Variants in ITPKB observed in about 807,000 individuals in gnomAD.
ITPKB encodes IP3 3-kinase B.
Under a neutral mutation model 69.4 loss-of-function variants are expected in ITPKB, and 13 were observed. That is an observed-to-expected ratio of 0.19 (90% CI 0.12 to 0.30). The LOEUF is 0.30. Among genes scored for constraint, ITPKB ranks in the 10% least tolerant of loss-of-function variants. The pLI is 1.00. For synonymous variants in ITPKB, 584 were observed against 513.7 expected (o/e 1.14, Z -1.85); for missense variants, 1,240 against 1,250.5 (o/e 0.99, Z 0.13).
At chr1:226,735,429 C>A (rs1657714226) in intron 2 of ITPKB, 98 bp downstream of exon 2, 1 of 1,346,112 alleles carries the variant, frequency 7.4e-7, no homozygotes. Flanking sequence ...TCTGAGTTTT[C>A]ATGACTGTGT....
At position 226,637,098 on chromosome 1, in the gene ITPKB, G is replaced by C. The variant is rs769373432; in HGVS notation, c.2625+581C>G. On this transcript the variant is annotated intron_variant, in intron 7 of 7. Transcript: ENST00000429204. This position sits in a 1 kb window ranked among gnomAD's most constrained non-coding sequence, Gnocchi z 4.3. ...GATCTGTGAATGTGTGTGTGAATGT[G>C]TCATGTGGCTGGGGACCTGGACTCC... Among the ~76,000 whole-genome samples the C allele has an allele frequency of 9.9e-5, 15 of 152,116 alleles. No individual in the cohort carries two copies. The highest frequency in any genetic ancestry group is 1.8e-4 in the Non-Finnish European group (12 of 68,018).
intron 2 of ITPKB, among the ~76,000 whole-genome samples, chr1:226,717,721 G>A (rs904902866): frequency 1.3e-5 from 2 of 152,202 alleles, no homozygotes; most frequent in African/African-American, 4.8e-5. Context: ...GCCGCCGTCC[G>A]GGCCTCCTAC....
chr1:226,701,410 C>T (rs1475215215), intron 2 of ITPKB, among the ~76,000 whole-genome samples: 1 of 151,762 alleles, frequency 6.6e-6, no homozygotes, highest in African/African-American at 2.4e-5. Flanking sequence ...CGAGACCATC[C>T]TGGCTAACAC....
chr1:226,637,737 T>C lies in ITPKB; in HGVS notation c.2567A>G (p.Asp856Gly). ...AGTGGTTCGAATGGCCTTCAGCCGG[T>C]CCCGATAGGCGATCTGGGAATAGAA... ...GNHNILIAYR[D>G]RLKAIRTTLE... Residue 856 changes from aspartate (D) to glycine (G), a missense_variant, in exon 7 of 8, where the codon GAC (aspartate) becomes GGC (glycine). By Grantham distance (94) the Asp-to-Gly change is moderately conservative. Transcript: ENST00000429204. This position sits in a 1 kb window ranked among gnomAD's most constrained non-coding sequence, Gnocchi z 4.3. 1 of 1,613,786 alleles carries C rather than the reference T, an allele frequency of 6.2e-7. No individual in the cohort carries two copies. The highest frequency in any genetic ancestry group is 8.5e-7 in the Non-Finnish European group (1 of 1,179,736).
At position 226,704,972 on chromosome 1, in the gene ITPKB, A is replaced by G. The variant is rs1283060834; in HGVS notation, c.1932+30555T>C. 2.0e-5 allele frequency among the ~76,000 whole-genome samples: 3 copies of G among 152,240 alleles called. No homozygotes were observed. In the East Asian group the frequency reaches 5.8e-4, roughly 29 times the overall value. Reference sequence around the variant, plus strand: ...CACAGCATTGCTCTTGCTTGGCCAAATGTATTAAATGTTCAGAGATGAATT... The same window carrying G: ...CACAGCATTGCTCTTGCTTGGCCAAGTGTATTAAATGTTCAGAGATGAATT... On this transcript the variant is annotated intron_variant, in intron 2 of 7. Transcript: ENST00000429204.
intron 2 of ITPKB, among the ~76,000 whole-genome samples, chr1:226,711,912 G>A (rs1656970351): frequency 6.6e-6 from 1 of 152,184 alleles, no homozygotes; most frequent in African/African-American, 2.4e-5. Context: ...TCACTAGGGT[G>A]AGGTTGGGCA....
At chr1:226,724,156 A>G (rs1021655430) in intron 2 of ITPKB, among the ~76,000 whole-genome samples, 8 of 152,072 alleles carry the variant, frequency 5.3e-5, no homozygotes, top group African/African-American at 1.9e-4. Flanking sequence ...GAGGACACTG[A>G]GACTCAGAGA....
At position 226,662,098 on chromosome 1, in the gene ITPKB, G is replaced by A. The variant is rs147487914; in HGVS notation, c.1933-13327C>T. Among the ~76,000 whole-genome samples the A allele has an allele frequency of 3.7e-3, 570 of 152,242 alleles. 2 individuals carry two copies. Among genetic ancestry groups the A allele is most frequent in the African/African-American group, 0.012 (515 of 41,530 alleles). ...GGCAGGAGAGCCACTAGAGGCTCTCGTGTTTCCTGAAAATCCCCCCACCCA... is the reference window on the plus strand; with the variant it reads ...GGCAGGAGAGCCACTAGAGGCTCTCATGTTTCCTGAAAATCCCCCCACCCA... On this transcript the variant is annotated intron_variant, in intron 2 of 7. Transcript: ENST00000429204.
At chr1:226,713,527 C>T (rs1657025293) in intron 2 of ITPKB, among the ~76,000 whole-genome samples, 1 of 152,264 alleles carries the variant, frequency 6.6e-6, no homozygotes, top group Non-Finnish European at 1.5e-5. Context: ...CCTATCTCCT[C>T]ACCCCAGGGC....
Position 226,738,127 on chromosome 1 carries a change from T to C in ITPKB, c.-205-464A>G, listed in dbSNP as rs1571885921. Among the ~76,000 whole-genome samples, 1 of 152,074 alleles carries C rather than the reference T, an allele frequency of 6.6e-6. No individual in the cohort carries two copies. The highest frequency in any genetic ancestry group is 1.5e-5 in the Non-Finnish European group (1 of 67,986). On this transcript the variant is annotated intron_variant, in intron 1 of 7. Coordinates refer to ENST00000429204, the MANE Select transcript of ITPKB (RefSeq NM_002221.4). The surrounding 1 kb of genome is among the most constrained non-coding windows in gnomAD (Gnocchi z 4.2). ...CTCGCCCTGGGCTTCAGGGTCTCCC[T>C]GCTCCACCCTCTCGGGGCATCAGAG...
intron 2 of ITPKB, chr1:226,707,286 C>G (rs946754181): frequency 1.4e-5 from 3 of 210,958 alleles, no homozygotes; most frequent in African/African-American, 7.1e-5. Context: ...ACCTCCGCCT[C>G]TCAGGTTCAA....
rs953301914 is a variant in ITPKB, at chr1:226,697,535, C to T, written c.1932+37992G>A. Among the ~76,000 whole-genome samples, 7 of 152,176 alleles carry T rather than the reference C, an allele frequency of 4.6e-5. No homozygotes were observed. The East Asian group carries it at 5.8e-4, about 13-fold the overall frequency. ...GGTCAGGTGAGGGAATCTCTTTGTG[C>T]GTGATTCTCCAACTCTGCAAACAAT... On this transcript the variant is annotated intron_variant, in intron 2 of 7. Transcript: ENST00000429204.
intron 2 of ITPKB, among the ~76,000 whole-genome samples, chr1:226,687,562 G>A (rs941310892): frequency 2.0e-5 from 3 of 152,210 alleles, no homozygotes; most frequent in African/African-American, 7.2e-5. Flanking sequence ...AAAGGAACAT[G>A]AATGAGCTCA....
chr1:226,686,846 TG>T (rs1428833304), intron 2 of ITPKB, among the ~76,000 whole-genome samples: 1 of 152,244 alleles, frequency 6.6e-6, no homozygotes, highest in African/African-American at 2.4e-5. Context: ...GGGCCACATA[TG>T]GCTGACTTAT....
At position 226,643,349 on chromosome 1, in the gene ITPKB, G is replaced by T. The variant is rs535501816; in HGVS notation, c.2247-1224C>A. ...CCTCTGCTCTCCTTTTAGAGCCCCAGTCTCCCTACACAACAGGCTCAGAGG... is the reference window on the plus strand; with the variant it reads ...CCTCTGCTCTCCTTTTAGAGCCCCATTCTCCCTACACAACAGGCTCAGAGG... On this transcript the variant is annotated intron_variant, in intron 4 of 7. Coordinates refer to ENST00000429204, the MANE Select transcript of ITPKB (RefSeq NM_002221.4). Among the ~76,000 whole-genome samples the T allele has an allele frequency of 4.6e-5, 7 of 152,262 alleles. No individual in the cohort carries two copies. In the South Asian group the frequency reaches 1.5e-3, roughly 32 times the overall value.
intron 2 of ITPKB, among the ~76,000 whole-genome samples, chr1:226,655,022 A>T (rs1669264146): frequency 6.8e-6 from 1 of 146,678 alleles, no homozygotes; most frequent in Non-Finnish European, 1.5e-5. Flanking sequence ...AGGAAAGAGG[A>T]GGAGGAAGAG....
intron 2 of ITPKB, among the ~76,000 whole-genome samples, chr1:226,687,880 A>G (rs914936262): frequency 6.6e-6 from 1 of 152,222 alleles, no homozygotes; most frequent in Non-Finnish European, 1.5e-5. Context: ...GAGTTTCCTC[A>G]AGGAGCTCAC....
At chr1:226,733,804 G>GA (rs973717932) in intron 2 of ITPKB, among the ~76,000 whole-genome samples, 6 of 151,778 alleles carry the variant, frequency 4.0e-5, no homozygotes, top group African/African-American at 1.2e-4. Flanking sequence ...CTGGCAAATG[G>GA]AAAAAAAAGT....
intron 2 of ITPKB, among the ~76,000 whole-genome samples, chr1:226,722,083 G>T (rs1657260331): frequency 6.6e-6 from 1 of 152,086 alleles, no homozygotes; most frequent in African/African-American, 2.4e-5. Context: ...AAAGTGCTGG[G>T]GTTATAGTCA....
Sources: gnomAD v4.1 joint callset for allele counts (sites outside exome capture counted in the v4.1 genomes callset) on GRCh38, gnomAD v4.1.1 for gene constraint, Gnocchi (gnomAD v3.1) non-coding constraint, MANE v1.5 for transcripts, NCBI Gene and HGNC (gene_info 2026-07-23, HGNC 2026-07-21) for gene names.